The following RPH3AL variants were observed in gnomAD, a reference collection of about 807,000 sequenced individuals.
RPH3AL encodes rab effector Noc2.
In RPH3AL, 38 loss-of-function variants were observed where a neutral mutation model predicts 43.1. That is an observed-to-expected ratio of 0.88 (90% CI 0.68 to 1.15). The LOEUF (loss-of-function observed/expected upper bound fraction) is 1.15. Among genes scored for constraint, RPH3AL ranks in the 50% most tolerant of loss-of-function variants. The pLI is 0.00. For missense variants in RPH3AL, 462 were observed against 423.2 expected, an observed-to-expected ratio of 1.09 and a Z score of -0.81; for synonymous variants, 189 against 176.3, an observed-to-expected ratio of 1.07 and a Z score of -0.57.
intron 6 of RPH3AL, among the ~76,000 whole-genome samples, chr17:250,174 CCTTTA>C (rs2041861206): frequency 6.9e-6 from 1 of 145,218 alleles, no homozygotes; most frequent in Non-Finnish European, 1.5e-5. Context: ...CCTCTCAGAG[CCTTTA>C]CTAAGCTCCA....
At chr17:318,342 T>C (rs1049912044) in intron 5 of RPH3AL, among the ~76,000 whole-genome samples, 2 of 152,000 alleles carry the variant, frequency 1.3e-5, no homozygotes, top group Non-Finnish European at 1.5e-5. Flanking sequence ...GACTGCACCA[T>C]TTGCACTCCA....
In RPH3AL at chr17:340,410, G is replaced by A. The variant is rs1298867444; in HGVS notation, c.-212-6476C>T. ...CCCACATCCACACTCACTGCCCCGG[G>A]CTCAGGCCTCCCCACATCCATACTC... On this transcript the variant is annotated intron_variant, in intron 1 of 9. Transcript: ENST00000331302. 5.2e-4 allele frequency among the ~76,000 whole-genome samples: 69 copies of A among 133,022 alleles called. 2 individuals carry two copies. Among genetic ancestry groups the A allele is most frequent in the African/African-American group, 1.8e-3 (58 of 31,850 alleles). 87.3% of individuals were successfully genotyped at this position (133,022 alleles called of 152,430 possible).
intron 7 of RPH3AL, among the ~76,000 whole-genome samples, chr17:243,543 A>AC (rs1249087712): frequency 3.0e-5 from 4 of 131,568 alleles, no homozygotes; most frequent in African/African-American, 9.0e-5. Flanking sequence ...TCTATTGATT[A>AC]CCTTCCTCTA....
At chr17:344,740 C>T (rs1003557433) in intron 1 of RPH3AL, among the ~76,000 whole-genome samples, 1 of 135,464 alleles carries the variant, frequency 7.4e-6, no homozygotes, top group Non-Finnish European at 1.7e-5. Context: ...TGTCAATCAC[C>T]ATCACCATCA....
intron 6 of RPH3AL, among the ~76,000 whole-genome samples, chr17:249,261 G>C (rs1401064851): frequency 1.3e-5 from 2 of 152,114 alleles, no homozygotes; most frequent in Non-Finnish European, 2.9e-5. Flanking sequence ...GGCAGGCCAA[G>C]GTTCCGAGCC....
chr17:340,278 C>T (rs565439801), intron 1 of RPH3AL, among the ~76,000 whole-genome samples: 30 of 152,170 alleles, frequency 2.0e-4, no homozygotes, highest in Non-Finnish European at 3.5e-4. Flanking sequence ...CAGACTCCAC[C>T]GTGCCTTGCC....
rs1366235028 is a variant in RPH3AL at position 247,339 on chromosome 17, C to A, written c.439-54G>T. ...CACAGGACGCAGAGGAGCCTCCCCT[C>A]CTGCTCCTTGCCCAGATGACGGGAG... On this transcript the variant is annotated intron_variant, in intron 6 of 9. Transcript: ENST00000331302. 2.0e-6 allele frequency: 3 copies of A among 1,485,566 alleles called. No homozygotes were observed. In the Admixed American group the frequency reaches 7.3e-5, roughly 36 times the overall value. The allele number at this position is 1,485,566 out of a possible 1,614,324, so 92.0% of individuals were successfully genotyped here.
At chr17:319,866 G>C (rs904621388) in intron 4 of RPH3AL, among the ~76,000 whole-genome samples, 3 of 81,232 alleles carry the variant, frequency 3.7e-5, no homozygotes, top group Middle Eastern at 4.3e-3. Flanking sequence ...TTCAGATAGA[G>C]AGCAGCGCTA....
At chr17:275,359 A>T (rs1369585644) in intron 6 of RPH3AL, among the ~76,000 whole-genome samples, 1 of 152,158 alleles carries the variant, frequency 6.6e-6, no homozygotes, top group Non-Finnish European at 1.5e-5. Context: ...ACAGCTACAC[A>T]CATCAACATG....
chr17:235,378 C>A (rs2041347188), intron 7 of RPH3AL, among the ~76,000 whole-genome samples: 1 of 138,888 alleles, frequency 7.2e-6, no homozygotes, highest in African/African-American at 2.8e-5. Context: ...TCGGCCGAGG[C>A]TCTACACTAA....
intron 3 of RPH3AL, among the ~76,000 whole-genome samples, 159 bp downstream of exon 3, chr17:327,308 G>A (rs1386706174): frequency 6.6e-6 from 1 of 152,220 alleles, no homozygotes; most frequent in Non-Finnish European, 1.5e-5. Context: ...TTAAATGAGT[G>A]AATGGCTGTG....
chr17:258,113 C>T (rs1157783703), intron 6 of RPH3AL, among the ~76,000 whole-genome samples: 2 of 152,186 alleles, frequency 1.3e-5, no homozygotes, highest in African/African-American at 4.8e-5. Context: ...AGCAATGTTC[C>T]CCTGTACGGA....
At chr17:242,774 T>A (rs1338674178) in intron 7 of RPH3AL, among the ~76,000 whole-genome samples, 1 of 108,204 alleles carries the variant, frequency 9.2e-6, no homozygotes, top group Non-Finnish European at 2.0e-5. Context: ...CCTTCCTCTA[T>A]TGACTACCTT....
intron 5 of RPH3AL, among the ~76,000 whole-genome samples, chr17:299,495 T>A (rs2043267629): frequency 1.3e-5 from 2 of 152,170 alleles, no homozygotes; most frequent in African/African-American, 4.8e-5. Flanking sequence ...CGCTCCCTCT[T>A]TTCCACTCAG....
At chr17:222,472 G>T (rs2041014933) in intron 7 of RPH3AL, among the ~76,000 whole-genome samples, 1 of 152,230 alleles carries the variant, frequency 6.6e-6, no homozygotes, top group Non-Finnish European at 1.5e-5. Context: ...TCCCAGCAAG[G>T]GGAGGTGAGG....
chr17:247,643 C>T (rs2041799203), intron 6 of RPH3AL: 1 of 240,940 alleles, frequency 4.2e-6, no homozygotes, highest in Admixed American at 4.9e-5. Context: ...TGGGTCTACA[C>T]CTGCTTTAAA....
In RPH3AL at chr17:215,512, C is replaced by T; in HGVS notation, c.876+142G>A. On this transcript the variant is annotated intron_variant, in intron 9 of 9. Transcript: ENST00000331302. The surrounding 1 kb of genome is among the most constrained non-coding windows in gnomAD (Gnocchi z 4.1). ...GCAGGCAGGGATGGGGTCTGGCTCA[C>T]CTTGTTCCCCCGCACAGTGCTTGGT... 1 of 779,266 alleles carries T rather than the reference C, an allele frequency of 1.3e-6. No individual in the cohort carries two copies. The highest frequency in any genetic ancestry group is 4.3e-5 in the Admixed American group (1 of 23,178). The allele number at this position is 779,266 out of a possible 1,614,324, so 48.3% of individuals were successfully genotyped here. A position where few individuals can be genotyped will look rare whatever the true frequency, so the allele number is the denominator to read the frequency against.
Position 289,807 on chromosome 17 carries a change from A to G in RPH3AL, c.352-7953T>C, listed in dbSNP as rs1214357521. Among the ~76,000 whole-genome samples, 1 of 151,990 alleles carries G rather than the reference A, an allele frequency of 6.6e-6. No individual in the cohort carries two copies. The highest frequency in any genetic ancestry group is 2.4e-5 in the African/African-American group (1 of 41,366). ...CCACGCTGTCTCTTCATTAACCTAC[A>G]CACCCCTCGGACCTCAGCAAAAGCA... On this transcript the variant is annotated intron_variant, in intron 5 of 9. Transcript: ENST00000331302. This position sits in a 1 kb window ranked among gnomAD's most constrained non-coding sequence, Gnocchi z 5.2.
At chr17:265,986 GC>G (rs1446934663) in intron 6 of RPH3AL, among the ~76,000 whole-genome samples, 1 of 152,194 alleles carries the variant, frequency 6.6e-6, no homozygotes, top group Non-Finnish European at 1.5e-5. Flanking sequence ...AGCGATCCAA[GC>G]CCCCAAGAGG....
Sources: allele counts gnomAD v4.1 joint callset (sites outside exome capture counted in the v4.1 genomes callset), GRCh38; gene constraint gnomAD v4.1.1; non-coding constraint Gnocchi (gnomAD v3.1); transcripts MANE v1.5; gene names NCBI Gene and HGNC (gene_info 2026-07-23, HGNC 2026-07-21).